MDGA2: variants seen among roughly 807,000 people sequenced by gnomAD.
MDGA2 encodes MAM domain-containing glycosylphosphatidylinositol anchor protein 2.
MDGA2 carries 40 observed loss-of-function variants against 117.8 expected under a neutral mutation model. The ratio of observed to expected loss-of-function variants is 0.34; its 90% CI spans 0.26 to 0.44. MDGA2 has a LOEUF of 0.44. Among genes scored for constraint, MDGA2 ranks in the 20% least tolerant of loss-of-function variants. The probability of loss-of-function intolerance (pLI) is 1.00; values close to 1 mark genes in which losing one functional copy is unlikely to be tolerated. For synonymous variants in MDGA2, 452 were observed against 439.0 expected (o/e 1.03, Z -0.37); for missense variants, 1,123 against 1,250.6 (o/e 0.90, Z 1.54).
chr14:47,237,353 C>T (rs1160973266), intron 2 of MDGA2, among the ~76,000 whole-genome samples: 2 of 152,182 alleles, frequency 1.3e-5, no homozygotes, highest in Non-Finnish European at 2.9e-5. Context: ...GTCTCCCAGG[C>T]CTTGCCCTTA....
At chr14:47,402,301 T>C (rs1003492468) in intron 1 of MDGA2, among the ~76,000 whole-genome samples, 1 of 148,754 alleles carries the variant, frequency 6.7e-6, no homozygotes, top group Non-Finnish European at 1.5e-5. Flanking sequence ...AACTAATGAC[T>C]GGTGTATGCT....
intron 8 of MDGA2, among the ~76,000 whole-genome samples, chr14:47,022,349 G>C (rs1195665062): frequency 6.6e-6 from 1 of 152,084 alleles, no homozygotes; most frequent in Non-Finnish European, 1.5e-5. Flanking sequence ...AAAGTGCTGG[G>C]ATTACAGGTA....
At chr14:47,003,623 G>A (rs1195689695) in intron 8 of MDGA2, among the ~76,000 whole-genome samples, 1 of 151,998 alleles carries the variant, frequency 6.6e-6, no homozygotes, top group Non-Finnish European at 1.5e-5. Context: ...CTGATGAAGT[G>A]TCTATATTGC....
At chr14:46,899,179 T>G (rs181990617) in intron 10 of MDGA2, among the ~76,000 whole-genome samples, 5 of 152,156 alleles carry the variant, frequency 3.3e-5, no homozygotes, top group Non-Finnish European at 5.9e-5. Flanking sequence ...AAAACAAAAA[T>G]TAATTATACC....
chr14:46,930,884 G>A (rs1314480506), intron 9 of MDGA2, among the ~76,000 whole-genome samples: 1 of 151,946 alleles, frequency 6.6e-6, no homozygotes, highest in Non-Finnish European at 1.5e-5. Context: ...GGATCTGAAA[G>A]GAAATCAATT....
chr14:47,123,688 T>C lies in MDGA2; in HGVS notation c.925+8026A>G, dbSNP rs573316538. ...CTAGAATATGAGTCATTTCTATAGA[T>C]TTTAGTGGGAAATACTAATATCTAA... On this transcript the variant is annotated intron_variant, in intron 5 of 16. Transcript: ENST00000399232. Among the ~76,000 whole-genome samples the C allele has an allele frequency of 5.3e-5, 8 of 152,148 alleles. 1 individual carries two copies. The highest frequency in any genetic ancestry group is 1.9e-4 in the African/African-American group (8 of 41,560).
At chr14:47,501,242 C>T (rs1894392895) in intron 1 of MDGA2, among the ~76,000 whole-genome samples, 1 of 152,072 alleles carries the variant, frequency 6.6e-6, no homozygotes, top group Admixed American at 6.6e-5. Context: ...GCACAACATT[C>T]TATGGGACAA....
intron 9 of MDGA2, among the ~76,000 whole-genome samples, chr14:46,930,917 T>C (rs527821334): frequency 3.3e-5 from 5 of 152,226 alleles, no homozygotes; most frequent in African/African-American, 1.2e-4. Context: ...AAACTCTTTT[T>C]AAAAATCTCA....
chr14:47,534,170 A>T (rs868262325), intron 1 of MDGA2, among the ~76,000 whole-genome samples: 3 of 152,164 alleles, frequency 2.0e-5, no homozygotes, highest in Non-Finnish European at 4.4e-5. Flanking sequence ...AGAGTGCTTT[A>T]AAATAGGGGA....
At chr14:47,346,429 G>T (rs1337152491) in intron 1 of MDGA2, among the ~76,000 whole-genome samples, 4 of 152,116 alleles carry the variant, frequency 2.6e-5, no homozygotes, top group African/African-American at 9.7e-5. Context: ...TAAAATTTTA[G>T]CCAGTGTGGG....
rs139034811 is a variant in MDGA2 at position 47,619,920 on chromosome 14, T to C, written c.280+54597A>G. On this transcript the variant is annotated intron_variant, in intron 1 of 16. Transcript: ENST00000399232. ...CCTGACTGACTCACAGATTGATCTGTTGTTGTCCTCATCCCAGCACACAGC... is the reference window on the plus strand; with the variant it reads ...CCTGACTGACTCACAGATTGATCTGCTGTTGTCCTCATCCCAGCACACAGC... Among the ~76,000 whole-genome samples, 413 of 152,352 alleles carry C rather than the reference T, an allele frequency of 2.7e-3. 12 individuals carry two copies. In the East Asian group the frequency reaches 0.066, roughly 24 times the overall value.
At chr14:47,414,423 A>G (rs1892434420) in intron 1 of MDGA2, among the ~76,000 whole-genome samples, 1 of 152,212 alleles carries the variant, frequency 6.6e-6, no homozygotes, top group Non-Finnish European at 1.5e-5. Context: ...TATAGCTAGT[A>G]TATGCCAAAG....
chr14:47,105,048 T>C (rs1880570633), intron 5 of MDGA2, among the ~76,000 whole-genome samples: 1 of 152,152 alleles, frequency 6.6e-6, no homozygotes. Flanking sequence ...TGTTTAATCA[T>C]TGCAGGGACG....
At chr14:47,154,341 G>A (rs1427748589) in intron 3 of MDGA2, among the ~76,000 whole-genome samples, 1 of 152,230 alleles carries the variant, frequency 6.6e-6, no homozygotes, top group Non-Finnish European at 1.5e-5. Context: ...CCGCAGTGGG[G>A]GAGATGCAGC....
chr14:47,126,173 C>A (rs1033789677), intron 5 of MDGA2, among the ~76,000 whole-genome samples: 3 of 151,832 alleles, frequency 2.0e-5, no homozygotes, highest in Non-Finnish European at 4.4e-5. Flanking sequence ...ATATTCATGG[C>A]AATTTGAATT....
intron 3 of MDGA2, among the ~76,000 whole-genome samples, chr14:47,195,237 A>G (rs1314870139): frequency 1.3e-5 from 2 of 152,082 alleles, no homozygotes; most frequent in African/African-American, 4.8e-5. Flanking sequence ...CATCAAGGTT[A>G]GCAATAGTTT....
intron 4 of MDGA2, among the ~76,000 whole-genome samples, chr14:47,137,642 T>G (rs1425422363): frequency 2.0e-5 from 3 of 152,160 alleles, no homozygotes; most frequent in African/African-American, 7.2e-5. Context: ...CTGTACAGTC[T>G]GCAAAACTGA....
At chr14:47,387,580 C>T (rs1012721759) in intron 1 of MDGA2, among the ~76,000 whole-genome samples, 3 of 152,038 alleles carry the variant, frequency 2.0e-5, no homozygotes, top group Non-Finnish European at 2.9e-5. Context: ...TAGAAGTTGC[C>T]GAAGTTGTTC....
intron 8 of MDGA2, among the ~76,000 whole-genome samples, chr14:46,999,159 T>C (rs1887411014): frequency 6.6e-6 from 1 of 151,718 alleles, no homozygotes; most frequent in Non-Finnish European, 1.5e-5. Context: ...ACGATTTAAG[T>C]ATAAATTGTG....
Sources: gnomAD v4.1 joint callset for allele counts (sites outside exome capture counted in the v4.1 genomes callset) on GRCh38, gnomAD v4.1.1 for gene constraint, MANE v1.5 for transcripts, NCBI Gene and HGNC (gene_info 2026-07-23, HGNC 2026-07-21) for gene names.